Variants in PDE4D observed in about 807,000 individuals in gnomAD.
PDE4D encodes 3',5'-cyclic-AMP phosphodiesterase 4D.
In PDE4D, 24 loss-of-function variants were observed where a neutral mutation model predicts 87.4. That is an observed-to-expected ratio of 0.27 (90% CI 0.20 to 0.39). PDE4D has a LOEUF of 0.39. Among genes scored for constraint, PDE4D ranks in the 10% least tolerant of loss-of-function variants. The pLI is 1.00. For synonymous variants in PDE4D, 384 were observed against 383.2 expected, an observed-to-expected ratio of 1.00 and a Z score of -0.02; for missense variants, 714 against 1,041.0, an observed-to-expected ratio of 0.69 and a Z score of 4.32.
intron 12 of PDE4D, among the ~76,000 whole-genome samples, chr5:58,976,675 T>C (rs748543102): frequency 4.6e-5 from 7 of 152,316 alleles, no homozygotes; most frequent in Middle Eastern, 6.8e-3. Flanking sequence ...GTGTGTAATA[T>C]ACAGAAATGC....
chr5:59,736,678 CA>C (rs369497546), intron 1 of PDE4D, among the ~76,000 whole-genome samples: 55 of 134,214 alleles, frequency 4.1e-4, no homozygotes, highest in Admixed American at 1.7e-3. Context: ...GATTTTGTCT[CA>C]AAAAAAAAAG....
chr5:59,625,626 T>C (rs1214487782), intron 1 of PDE4D, among the ~76,000 whole-genome samples: 1 of 152,214 alleles, frequency 6.6e-6, no homozygotes, highest in Non-Finnish European at 1.5e-5. Flanking sequence ...ATATCTTAGA[T>C]AAGAAGACGG....
At chr5:60,035,250 C>A (rs907510456) in intron 2 of PDE4D, among the ~76,000 whole-genome samples, 1 of 119,794 alleles carries the variant, frequency 8.3e-6, no homozygotes, top group Non-Finnish European at 1.7e-5. Context: ...AGCGAGACTC[C>A]GTCTCAAAAA....
At chr5:59,877,712 G>C (rs370249498) in intron 1 of PDE4D, among the ~76,000 whole-genome samples, 3 of 151,956 alleles carry the variant, frequency 2.0e-5, no homozygotes, top group Admixed American at 1.3e-4. Context: ...CTAGCTACTT[G>C]GGAGGCTGAG....
intron 1 of PDE4D, among the ~76,000 whole-genome samples, chr5:60,481,573 A>C (rs1748735380): frequency 6.6e-6 from 1 of 152,180 alleles, no homozygotes; most frequent in Non-Finnish European, 1.5e-5. Flanking sequence ...CATTTACTGC[A>C]AAGTTTATAA....
intron 1 of PDE4D, among the ~76,000 whole-genome samples, chr5:60,356,405 A>G (rs372149015): frequency 3.3e-5 from 5 of 152,166 alleles, no homozygotes; most frequent in African/African-American, 1.2e-4. Flanking sequence ...ATTTAAATAG[A>G]CTGCCTTGGG....
At chr5:60,514,042 G>A (rs943955940) in intron 1 of PDE4D, among the ~76,000 whole-genome samples, 1 of 151,716 alleles carries the variant, frequency 6.6e-6, no homozygotes, top group African/African-American at 2.4e-5. Context: ...TCAATAAAAA[G>A]CCAACAGATG....
At chr5:59,676,098 T>C (rs298066) in intron 1 of PDE4D, among the ~76,000 whole-genome samples, 52,703 of 150,550 alleles carry the variant, frequency 0.35, 10,893 homozygotes, top group East Asian at 0.68. Context: ...TATATGTATA[T>C]ACACACACAC....
intron 1 of PDE4D, among the ~76,000 whole-genome samples, chr5:60,314,320 C>A (rs541466302): frequency 1.3e-5 from 2 of 151,768 alleles, no homozygotes; most frequent in Non-Finnish European, 2.9e-5. Flanking sequence ...GAACATGCTG[C>A]CATGCCCAAC....
At chr5:60,229,186 A>T (rs1021967404) in intron 1 of PDE4D, among the ~76,000 whole-genome samples, 1 of 152,154 alleles carries the variant, frequency 6.6e-6, no homozygotes, top group African/African-American at 2.4e-5. Flanking sequence ...TAGTAGAAGT[A>T]TATGTGGCTC....
intron 1 of PDE4D, chr5:59,356,904 C>A: frequency 2.7e-6 from 4 of 1,473,068 alleles, no homozygotes; most frequent in Non-Finnish European, 3.5e-6. Flanking sequence ...TGGTGCGGGG[C>A]TCTGGGGCCC....
intron 1 of PDE4D, among the ~76,000 whole-genome samples, chr5:59,236,291 G>A (rs1756413673): frequency 6.6e-6 from 1 of 152,156 alleles, no homozygotes; most frequent in Non-Finnish European, 1.5e-5. Context: ...TTCTGACCCC[G>A]CTACTACCTC....
chr5:60,063,558 A>T (rs564108966), intron 2 of PDE4D, among the ~76,000 whole-genome samples: 9 of 152,110 alleles, frequency 5.9e-5, no homozygotes, highest in Admixed American at 5.2e-4. Flanking sequence ...AATTTAGTTT[A>T]TAGTTTGAAA....
intron 1 of PDE4D, among the ~76,000 whole-genome samples, chr5:59,656,859 A>G (rs1744447524): frequency 2.6e-5 from 4 of 152,230 alleles, no homozygotes; most frequent in Admixed American, 2.6e-4. Context: ...TATTCATAAC[A>G]GTATTAACAT....
chr5:60,467,180 C>T (rs1291430510), intron 1 of PDE4D, among the ~76,000 whole-genome samples: 1 of 151,958 alleles, frequency 6.6e-6, no homozygotes, highest in Non-Finnish European at 1.5e-5. Context: ...GTTGTGATTA[C>T]AGGCACACAC....
Position 59,631,609 on chromosome 5 carries a change from G to A in PDE4D, c.455+261559C>T, listed in dbSNP as rs145675056. 3.4e-3 allele frequency among the ~76,000 whole-genome samples: 514 copies of A among 152,236 alleles called. 2 individuals are homozygous for A. The highest frequency in any genetic ancestry group is 4.6e-3 in the Non-Finnish European group (312 of 68,014). On this transcript the variant is annotated intron_variant, in intron 1 of 14. Coordinates refer to ENST00000340635, the MANE Select transcript of PDE4D (RefSeq NM_001104631.2). ...AGCCCACAGAGGGCAAGCAGAAGCA[G>A]GGTGGGGCGTCTCCCCACCTGGGAA...
chr5:60,493,025 T>C (rs1360652170), upstream of PDE4D, among the ~76,000 whole-genome samples: 2 of 152,210 alleles, frequency 1.3e-5, no homozygotes, highest in African/African-American at 4.8e-5. Context: ...GATTTTGCCT[T>C]AAGGCCTCTA....
intron 1 of PDE4D, among the ~76,000 whole-genome samples, chr5:59,496,974 A>T (rs1438692290): frequency 6.6e-6 from 1 of 152,014 alleles, no homozygotes; most frequent in East Asian, 1.9e-4. Context: ...AGTGCCACCT[A>T]CTGGGCTGCA....
chr5:59,149,175 AG>A (rs1779103855), intron 5 of PDE4D, among the ~76,000 whole-genome samples: 1 of 152,208 alleles, frequency 6.6e-6, no homozygotes, highest in South Asian at 2.1e-4. Context: ...AAAAGCAAAC[AG>A]GGAAGAACCA....
Sources: gnomAD v4.1 joint callset for allele counts (sites outside exome capture counted in the v4.1 genomes callset) on GRCh38, gnomAD v4.1.1 for gene constraint, MANE v1.5 for transcripts, NCBI Gene and HGNC (gene_info 2026-07-23, HGNC 2026-07-21) for gene names.